The following SNX29 variants were observed in gnomAD, a reference collection of about 807,000 sequenced individuals.
SNX29 encodes sorting nexin-29.
In SNX29, 78 loss-of-function variants were observed where a neutral mutation model predicts 102.1. The ratio of observed to expected loss-of-function variants is 0.76; its 90% CI spans 0.64 to 0.92. The LOEUF (loss-of-function observed/expected upper bound fraction) is 0.92. Ranked by LOEUF, SNX29 falls within the 40% of genes least tolerant of loss-of-function variation. The pLI, the probability that SNX29 is intolerant of heterozygous loss-of-function variation, is 0.00. For synonymous variants in SNX29, 580 were observed against 414.5 expected (o/e 1.40, Z -4.85); for missense variants, 1,280 against 1,061.7 (o/e 1.21, Z -2.86).
At chr16:12,547,432 G>A (rs572631669) in intron 20 of SNX29, among the ~76,000 whole-genome samples, 15 of 152,300 alleles carry the variant, frequency 9.8e-5, no homozygotes, top group East Asian at 9.7e-4. Flanking sequence ...GGCACCCCGG[G>A]GAGAGGGGAT....
chr16:12,088,258 C>T (rs1053775579), intron 11 of SNX29: 1 of 388,904 alleles, frequency 2.6e-6, no homozygotes, highest in Non-Finnish European at 5.1e-6. Flanking sequence ...TGCAGCGGGA[C>T]CGGCTCTGCG....
intron 11 of SNX29, among the ~76,000 whole-genome samples, chr16:12,101,102 C>A (rs2052990949): frequency 6.6e-6 from 1 of 152,176 alleles, no homozygotes; most frequent in Non-Finnish European, 1.5e-5. Context: ...GGACACTCTT[C>A]TTCTACCACC....
chr16:12,548,070 G>T (rs1181455925), intron 20 of SNX29, among the ~76,000 whole-genome samples: 1 of 152,162 alleles, frequency 6.6e-6, no homozygotes, highest in Non-Finnish European at 1.5e-5. Flanking sequence ...ACACGGTCAG[G>T]CATGACATAA....
intron 3 of SNX29, among the ~76,000 whole-genome samples, chr16:12,017,930 G>A (rs891026426): frequency 2.0e-5 from 3 of 151,694 alleles, no homozygotes; most frequent in Admixed American, 6.6e-5. Flanking sequence ...TTTTTGAGAC[G>A]AAGTCTCTCT....
intron 14 of SNX29, among the ~76,000 whole-genome samples, chr16:12,243,176 C>T (rs1487266073): frequency 6.6e-6 from 1 of 152,240 alleles, no homozygotes; most frequent in Non-Finnish European, 1.5e-5. Flanking sequence ...ATCTCTTGGG[C>T]ACACACCGAT....
chr16:12,222,657 C>G (rs2077508253), intron 14 of SNX29, among the ~76,000 whole-genome samples: 1 of 152,212 alleles, frequency 6.6e-6, no homozygotes, highest in African/African-American at 2.4e-5. Context: ...CAACTTCTGT[C>G]TCCTGGGTTC....
chr16:12,529,355 G>C (rs1311966755), intron 20 of SNX29, among the ~76,000 whole-genome samples: 1 of 152,202 alleles, frequency 6.6e-6, no homozygotes, highest in East Asian at 1.9e-4. Context: ...GTTACTAAGA[G>C]ACGTGACACT....
At chr16:12,139,980 C>G (rs1703517) in intron 13 of SNX29, among the ~76,000 whole-genome samples, 12,518 of 88,350 alleles carry the variant, frequency 0.14, 1,582 homozygotes, top group African/African-American at 0.29. Context: ...TACCCTGTCT[C>G]AAAAAAAAAA....
intron 13 of SNX29, among the ~76,000 whole-genome samples, chr16:12,198,957 C>T (rs1246372859): frequency 6.6e-6 from 1 of 152,112 alleles, no homozygotes; most frequent in Non-Finnish European, 1.5e-5. Flanking sequence ...ACCCAGTGTA[C>T]CTGGGGAGTG....
rs180770536 is a variant in SNX29 at position 12,064,089 on chromosome 16, A to G, written c.1243+2443A>G. ...GCTCACCTTGTCCCGTTCCCCATGG[A>G]GGGGTCTTGTAGTTGGGTTCTTGAA... On this transcript the variant is annotated intron_variant, in intron 9 of 20. Coordinates refer to ENST00000566228, the MANE Select transcript of SNX29 (RefSeq NM_032167.5). 2.0e-5 allele frequency among the ~76,000 whole-genome samples: 3 copies of G among 151,954 alleles called. No individual in the cohort carries two copies. The East Asian group carries it at 5.8e-4, about 29-fold the overall frequency.
At chr16:12,246,031 C>T (rs1596618479) in intron 14 of SNX29, among the ~76,000 whole-genome samples, 1 of 152,146 alleles carries the variant, frequency 6.6e-6, no homozygotes, top group African/African-American at 2.4e-5. Flanking sequence ...TAACATCCTA[C>T]CTGGTGTGTG....
chr16:12,114,118 G>A (rs11646584), intron 11 of SNX29, among the ~76,000 whole-genome samples: 22,954 of 152,198 alleles, frequency 0.15, 1,993 homozygotes, highest in Middle Eastern at 0.23. Flanking sequence ...GTTGCCTCCC[G>A]TGCCAACTCA....
chr16:12,526,328 G>A (rs2076782087), intron 20 of SNX29, among the ~76,000 whole-genome samples: 1 of 152,076 alleles, frequency 6.6e-6, no homozygotes, highest in South Asian at 2.1e-4. Context: ...TGTGCCCAGC[G>A]GTACCATCCA....
chr16:12,425,897 C>T (rs1169824462), intron 18 of SNX29, among the ~76,000 whole-genome samples: 2 of 152,160 alleles, frequency 1.3e-5, no homozygotes, highest in Admixed American at 6.5e-5. Context: ...ACCCACAAAA[C>T]TTGGTGTGTT....
intron 18 of SNX29, among the ~76,000 whole-genome samples, chr16:12,448,027 G>C (rs535380109): frequency 1.3e-5 from 2 of 152,184 alleles, no homozygotes; most frequent in African/African-American, 4.8e-5. Context: ...TGATGGTGGC[G>C]TTCCCGGGAT....
rs1283117620 is a variant in SNX29, at chr16:12,061,655, C to G, written c.1243+9C>G. 1 of 1,596,818 alleles carries G rather than the reference C, an allele frequency of 6.3e-7. No individual in the cohort carries two copies. Among genetic ancestry groups the G allele is most frequent in the Admixed American group, 1.7e-5 (1 of 59,008 alleles). The stretch of plus-strand genomic sequence containing the variant: ...CTCCTACAGCCCAGCAGGTGGGTGT[C>G]TCCCGATTACTCCTTTCCTCCAATA... On this transcript the variant is annotated intron_variant, in intron 9 of 20. Transcript: ENST00000566228.
At chr16:12,295,401 C>T (rs934174158) in intron 15 of SNX29, among the ~76,000 whole-genome samples, 19 of 152,220 alleles carry the variant, frequency 1.2e-4, no homozygotes, top group African/African-American at 4.6e-4. Context: ...CTTGCCAAGT[C>T]GCCCACCACT....
At chr16:12,416,773 C>T (rs966808917) in intron 18 of SNX29, among the ~76,000 whole-genome samples, 2 of 152,122 alleles carry the variant, frequency 1.3e-5, no homozygotes, top group African/African-American at 4.8e-5. Context: ...TCCCAACCAC[C>T]AGCCCTCACA....
chr16:12,537,665 A>C (rs946232707), intron 20 of SNX29, among the ~76,000 whole-genome samples: 1 of 152,216 alleles, frequency 6.6e-6, no homozygotes, highest in Non-Finnish European at 1.5e-5. Context: ...GCCCTACTTC[A>C]TGTCTTTTTT....
Sources: allele counts gnomAD v4.1 joint callset (sites outside exome capture counted in the v4.1 genomes callset), GRCh38; gene constraint gnomAD v4.1.1; transcripts MANE v1.5; gene names NCBI Gene and HGNC (gene_info 2026-07-23, HGNC 2026-07-21).